Variants in PCDHGB4 observed in about 807,000 individuals in gnomAD.
The protein encoded by PCDHGB4 is protocadherin gamma-B4.
A neutral mutation model predicts 60.5 loss-of-function variants in PCDHGB4; 38 were observed. The ratio of observed to expected loss-of-function variants is 0.63; its 90% CI spans 0.48 to 0.82. The LOEUF is 0.82. Ranked by LOEUF, PCDHGB4 falls within the 40% of genes least tolerant of loss-of-function variation. The probability of loss-of-function intolerance (pLI) is 0.00; values close to 1 mark genes in which losing one functional copy is unlikely to be tolerated. For missense variants in PCDHGB4, 1,109 were observed against 1,209.6 expected (o/e 0.92, Z 1.23); for synonymous variants, 456 against 509.7 (o/e 0.89, Z 1.42).
chr5:141,498,093 G>T (rs975304630), intron 2 of PCDHGB4, among the ~76,000 whole-genome samples: 4 of 152,220 alleles, frequency 2.6e-5, no homozygotes, highest in Admixed American at 1.3e-4. Context: ...AATTGTATCT[G>T]GTGGTGTGGG....
intron 1 of PCDHGB4, chr5:141,408,782 T>A: frequency 6.2e-7 from 1 of 1,612,108 alleles, no homozygotes. Context: ...ATACCCAGAG[T>A]TATCTCTGGA....
In PCDHGB4 at chr5:141,387,857, G is replaced by A. The variant is rs375524405; in HGVS notation, c.-28G>A. On this transcript the variant is annotated 5_prime_UTR_variant, in exon 1 of 4. Transcript: ENST00000519479. ...ATTTGTAACCCGGCGTCTCCAGGCT[G>A]GTGAGCAAGCTGAGGAGAGCAAGAG... 124 of 1,594,010 alleles carry A rather than the reference G, an allele frequency of 7.8e-5. No homozygotes were observed. The highest frequency in any genetic ancestry group is 2.1e-4 in the Admixed American group (12 of 56,756).
intron 1 of PCDHGB4, chr5:141,417,867 G>C (rs1182017096): frequency 1.9e-6 from 3 of 1,552,610 alleles, no homozygotes; most frequent in African/African-American, 2.7e-5. Flanking sequence ...ACGATGGGAG[G>C]GAGCTGCGCG....
At chr5:141,414,748 G>A in intron 1 of PCDHGB4, 5 of 1,614,182 alleles carry the variant, frequency 3.1e-6, no homozygotes, top group Non-Finnish European at 4.2e-6. Context: ...CAGATCCTTC[G>A]ACTATGAGCA....
At chr5:141,466,508 T>C (rs2099123841) in intron 1 of PCDHGB4, among the ~76,000 whole-genome samples, 1 of 152,190 alleles carries the variant, frequency 6.6e-6, no homozygotes, top group African/African-American at 2.4e-5. Context: ...ACAGACAAGA[T>C]CATTTTTTTT....
chr5:141,419,175 C>T (rs185228661), intron 1 of PCDHGB4: 2 of 1,613,966 alleles, frequency 1.2e-6, no homozygotes, highest in Non-Finnish European at 1.7e-6. Flanking sequence ...AAAACCATAA[C>T]CCTGCACATT....
At chr5:141,390,352 A>G (rs1340044054) in intron 1 of PCDHGB4, 71 bp downstream of exon 1, 2 of 1,557,524 alleles carry the variant, frequency 1.3e-6, no homozygotes, top group African/African-American at 2.7e-5. Context: ...GAAAATATAC[A>G]TATTTGCAGG....
intron 2 of PCDHGB4, among the ~76,000 whole-genome samples, chr5:141,495,279 G>C (rs72790069): frequency 0.027 from 4,092 of 152,256 alleles, 88 homozygotes; most frequent in Middle Eastern, 0.048. Flanking sequence ...CGGAGGAGGC[G>C]GTCCGCACTC....
chr5:141,470,768 G>T (rs2099239559), intron 1 of PCDHGB4, among the ~76,000 whole-genome samples: 1 of 152,142 alleles, frequency 6.6e-6, no homozygotes, highest in South Asian at 2.1e-4. Context: ...ACTCACTACA[G>T]TCTTGAATTC....
rs2091946783 is a variant in PCDHGB4 at position 141,389,855 on chromosome 5, G to GAGAGC, written c.1971_1972insAGAGC (p.Leu658ArgfsTer35). ...AGCCACCACTCTCGGCCACTGCCACGTTGCACCTGGTCTTCGCCGACAGCT... is the reference window on the plus strand; with the variant it reads ...AGCCACCACTCTCGGCCACTGCCACGAGAGCTTGCACCTGGTCTTCGCCGACAGCT... On this transcript the variant is annotated frameshift_variant, in exon 1 of 4. Transcript: ENST00000519479. LOFTEE classifies it high-confidence loss of function. 6.2e-7 allele frequency: 1 copy of GAGAGC among 1,613,942 alleles called. No homozygotes were observed. Among genetic ancestry groups the GAGAGC allele is most frequent in the Non-Finnish European group, 8.5e-7 (1 of 1,179,918 alleles).
At position 141,404,170 on chromosome 5, in the gene PCDHGB4, G is replaced by C. The variant is rs73279089; in HGVS notation, c.2397+13889G>C. Reference sequence around the variant, plus strand: ...AAGAAGATTATTACAGATTGTTGACGGCCCAAATTCTTGACCGAGAAAAAG... The same window carrying C: ...AAGAAGATTATTACAGATTGTTGACCGCCCAAATTCTTGACCGAGAAAAAG... On this transcript the variant is annotated intron_variant, in intron 1 of 3. Coordinates refer to ENST00000519479, the MANE Select transcript of PCDHGB4 (RefSeq NM_003736.4). The C allele has an allele frequency of 1.5e-3, 2,365 of 1,612,738 alleles. 32 individuals are homozygous for C. In the African/African-American group the frequency reaches 0.028, roughly 19 times the overall value.
At chr5:141,438,591 C>CATATATATATATAT (rs946798767) in intron 1 of PCDHGB4, among the ~76,000 whole-genome samples, 3 of 75,556 alleles carry the variant, frequency 4.0e-5, no homozygotes, top group Non-Finnish European at 8.0e-5. Context: ...TACATACATA[C>CATATATATATATAT]ATATATATAT....
chr5:141,492,616 G>C (rs976681246), intron 1 of PCDHGB4, among the ~76,000 whole-genome samples: 2 of 152,252 alleles, frequency 1.3e-5, no homozygotes, highest in African/African-American at 4.8e-5. Context: ...CTAAGTGCCG[G>C]GCGGGCAGGA....
In PCDHGB4 at chr5:141,489,950, A is replaced by C. The variant is rs1055715796; in HGVS notation, c.2398-4857A>C. 1 of 1,614,192 alleles carries C rather than the reference A, an allele frequency of 6.2e-7. No homozygotes were observed. The highest frequency in any genetic ancestry group is 1.3e-5 in the African/African-American group (1 of 75,060). ...TCTGTCATCGTGCTGGACATCAATG[A>C]TAATGCTCCAACCTTCCAATCCTCA... is the stretch of plus-strand genomic sequence containing the variant. On this transcript the variant is annotated intron_variant, in intron 1 of 3. Coordinates refer to ENST00000519479, the MANE Select transcript of PCDHGB4 (RefSeq NM_003736.4). The surrounding 1 kb of genome is among the most constrained non-coding windows in gnomAD (Gnocchi z 4.5).
intron 1 of PCDHGB4, chr5:141,423,463 G>C (rs772779471): frequency 1.2e-6 from 2 of 1,613,874 alleles, no homozygotes; most frequent in South Asian, 2.2e-5. Context: ...AGGCGTGGAC[G>C]GGGTACAGGC....
intron 1 of PCDHGB4, chr5:141,403,870 T>A: frequency 6.2e-7 from 1 of 1,613,498 alleles, no homozygotes; most frequent in African/African-American, 1.3e-5. Flanking sequence ...CAGCAAAAAG[T>A]CTAGATTATG....
In PCDHGB4 at chr5:141,430,746, G is replaced by A. The variant is rs369205374; in HGVS notation, c.2397+40465G>A. ...TAAGGGCAGAATTGAAAATAATTCTGGAGGAAGATAAGAATGATTCCTGCG... is the reference window on the plus strand; with the variant it reads ...TAAGGGCAGAATTGAAAATAATTCTAGAGGAAGATAAGAATGATTCCTGCG... On this transcript the variant is annotated intron_variant, in intron 1 of 3. Coordinates refer to ENST00000519479, the MANE Select transcript of PCDHGB4 (RefSeq NM_003736.4). 3.3e-5 allele frequency: 49 copies of A among 1,500,684 alleles called. No homozygotes were observed. The African/African-American group carries it at 6.3e-4, about 19-fold the overall frequency. The allele number at this position is 1,500,684 out of a possible 1,614,324, so 93.0% of individuals were successfully genotyped here.
chr5:141,490,120 G>A lies in PCDHGB4; in HGVS notation c.2398-4687G>A. On this transcript the variant is annotated intron_variant, in intron 1 of 3. Coordinates refer to ENST00000519479, the MANE Select transcript of PCDHGB4 (RefSeq NM_003736.4). This position sits in a 1 kb window ranked among gnomAD's most constrained non-coding sequence, Gnocchi z 5.4. ...ATCTGAGGCAGTGCGGAACCTCTTT[G>A]GCCTAGACCCTAGCAGTGGGGCAAT... 6.2e-7 allele frequency: 1 copy of A among 1,614,224 alleles called. No homozygotes were observed. Among genetic ancestry groups the A allele is most frequent in the East Asian group, 2.2e-5 (1 of 44,888 alleles).
At chr5:141,438,548 C>T (rs1423036586) in intron 1 of PCDHGB4, among the ~76,000 whole-genome samples, 2 of 135,792 alleles carry the variant, frequency 1.5e-5, no homozygotes, top group Non-Finnish European at 3.1e-5. Context: ...ATATCTAAGC[C>T]CTAATAAGAG....
Sources: allele counts gnomAD v4.1 joint callset (sites outside exome capture counted in the v4.1 genomes callset), GRCh38; gene constraint gnomAD v4.1.1; non-coding constraint Gnocchi (gnomAD v3.1); transcripts MANE v1.5; gene names NCBI Gene and HGNC (gene_info 2026-07-23, HGNC 2026-07-21).